SLC9C1: variants seen among roughly 807,000 people sequenced by gnomAD.
The protein encoded by SLC9C1 is solute carrier family 9 member C1.
A neutral mutation model predicts 140.9 loss-of-function variants in SLC9C1; 97 were observed. The observed-to-expected ratio is 0.69, with a 90% CI of 0.58 to 0.82. The LOEUF (loss-of-function observed/expected upper bound fraction) is 0.82. Among genes scored for constraint, SLC9C1 ranks in the 40% least tolerant of loss-of-function variants. The pLI, the probability that SLC9C1 is intolerant of heterozygous loss-of-function variation, is 0.00. For missense variants in SLC9C1, 1,340 were observed against 1,389.3 expected, an observed-to-expected ratio of 0.96 and a Z score of 0.56; for synonymous variants, 440 against 442.6, an observed-to-expected ratio of 0.99 and a Z score of 0.07.
intron 11 of SLC9C1, 28 bp downstream of exon 11, chr3:112,243,967 C>T (rs575004213): frequency 1.4e-5 from 20 of 1,448,424 alleles, no homozygotes; most frequent in South Asian, 3.9e-5. Context: ...TTTTTCTCTC[C>T]ACAGGAATAG....
rs906440677 is a variant in SLC9C1, at chr3:112,266,250, G to A, written c.866C>T (p.Thr289Ile). ...STSFKAAIEE[T>I]LLLEFWTFLS... ...GCTATCCACTTACTCAAGAAGAAGT[G>A]TTTCTTCAATTGCTGCTTTAAAACT... Residue 289 changes from threonine to isoleucine, a missense_variant, in exon 8 of 29, where the codon ACA (threonine) becomes ATA (isoleucine). Thr to Ile is a moderately conservative substitution (Grantham distance 89). Transcript: ENST00000305815. 2.5e-6 allele frequency: 4 copies of A among 1,606,716 alleles called. No homozygotes were observed. Among genetic ancestry groups the A allele is most frequent in the Non-Finnish European group, 1.7e-6 (2 of 1,175,312 alleles).
chr3:112,213,441 TG>T (rs1342538007), intron 15 of SLC9C1, among the ~76,000 whole-genome samples: 37 of 152,074 alleles, frequency 2.4e-4, no homozygotes, highest in African/African-American at 8.7e-4. Context: ...GACCCATCAG[TG>T]TTCTGTATTC....
intron 26 of SLC9C1, among the ~76,000 whole-genome samples, chr3:112,160,137 T>G (rs2075249793): frequency 6.6e-6 from 1 of 151,512 alleles, no homozygotes; most frequent in Non-Finnish European, 1.5e-5. Context: ...GTAACTATTC[T>G]CTTTCTTTCT....
intron 20 of SLC9C1, among the ~76,000 whole-genome samples, chr3:112,190,110 T>C (rs905032037): frequency 6.6e-6 from 1 of 152,218 alleles, no homozygotes; most frequent in Non-Finnish European, 1.5e-5. Context: ...CTGAAGCTGC[T>C]TATCAGCTTA....
intron 23 of SLC9C1, among the ~76,000 whole-genome samples, chr3:112,177,831 T>G (rs2077368809): frequency 6.6e-6 from 1 of 150,546 alleles, no homozygotes; most frequent in Non-Finnish European, 1.5e-5. Flanking sequence ...TACTAGTAAC[T>G]TCATTATAGC....
At chr3:112,274,740 T>C (rs1486045940) in intron 6 of SLC9C1, among the ~76,000 whole-genome samples, 157 bp downstream of exon 6, 2 of 152,190 alleles carry the variant, frequency 1.3e-5, no homozygotes, top group East Asian at 3.8e-4. Context: ...CATTAAGTAA[T>C]GTGTAATAGT....
chr3:112,204,503 C>G (rs2077991849), intron 16 of SLC9C1, 100 bp from the exon 17 acceptor site: 4 of 1,253,134 alleles, frequency 3.2e-6, no homozygotes, highest in African/African-American at 3.2e-5. Flanking sequence ...TTTCTCTTAT[C>G]TACTCCACAT....
chr3:112,148,595 G>C (rs540465154), intron 28 of SLC9C1, among the ~76,000 whole-genome samples: 1 of 152,296 alleles, frequency 6.6e-6, no homozygotes, highest in Non-Finnish European at 1.5e-5. Context: ...GGGCTGTGCA[G>C]TTCATCGTAC....
chr3:112,214,210 T>C (rs1463092510), intron 15 of SLC9C1, among the ~76,000 whole-genome samples: 1 of 152,172 alleles, frequency 6.6e-6, no homozygotes, highest in East Asian at 1.9e-4. Flanking sequence ...TTTAAAGCAG[T>C]GTGTAGAGGG....
intron 16 of SLC9C1, among the ~76,000 whole-genome samples, chr3:112,207,702 T>A (rs1167348843): frequency 6.6e-6 from 1 of 152,164 alleles, no homozygotes; most frequent in Non-Finnish European, 1.5e-5. Flanking sequence ...TCCTAGACAT[T>A]ATTAAAAATT....
intron 8 of SLC9C1, 99 bp downstream of exon 8, chr3:112,266,139 G>T: frequency 1.1e-6 from 1 of 923,920 alleles, no homozygotes; most frequent in Non-Finnish European, 1.6e-6. Flanking sequence ...TCAAGTCTTT[G>T]AAAATCTTAC....
At chr3:112,178,491 C>A (rs999504970) in intron 23 of SLC9C1, among the ~76,000 whole-genome samples, 2 of 152,154 alleles carry the variant, frequency 1.3e-5, no homozygotes, top group African/African-American at 4.8e-5. Flanking sequence ...ACAGACTCTT[C>A]CACATTCTAA....
chr3:112,151,498 T>G (rs767112303), intron 28 of SLC9C1: 4 of 520,362 alleles, frequency 7.7e-6, no homozygotes, highest in South Asian at 1.4e-5. Flanking sequence ...AACTAGAACA[T>G]AAACACTTGA....
chr3:112,168,364 CACA>C (rs57708292), intron 25 of SLC9C1, among the ~76,000 whole-genome samples: 20,803 of 97,484 alleles, frequency 0.21, 1,696 homozygotes, highest in Middle Eastern at 0.34. Flanking sequence ...CACACACACA[CACA>C]ACTTCTTTCC....
intron 10 of SLC9C1, among the ~76,000 whole-genome samples, chr3:112,248,326 C>T (rs2079351476): frequency 6.6e-6 from 1 of 152,134 alleles, no homozygotes; most frequent in Non-Finnish European, 1.5e-5. Context: ...GAGAAACAAT[C>T]AGAGGCACTC....
Position 112,286,679 on chromosome 3 carries a change from CAGATAAAG to C in SLC9C1, c.88+17_88+24del, listed in dbSNP as rs2080517432. On this transcript the variant is annotated intron_variant, in intron 2 of 28. Transcript: ENST00000305815. ...ATAAGATGTACCGGAAGAATAAACT[CAGATAAAG>C]AGAGAGTGATACTTACCTCCAATGG... 6.4e-7 allele frequency: 1 copy of C among 1,563,180 alleles called. No individual in the cohort carries two copies. Among genetic ancestry groups the C allele is most frequent in the African/African-American group, 1.4e-5 (1 of 72,638 alleles).
intron 13 of SLC9C1, among the ~76,000 whole-genome samples, chr3:112,226,570 A>C (rs778509982): frequency 1.1e-4 from 16 of 151,772 alleles, no homozygotes; most frequent in Non-Finnish European, 2.4e-4. Flanking sequence ...AAAATTACAA[A>C]AATTAGCCAG....
Position 112,199,376 on chromosome 3 carries a change from T to C in SLC9C1, c.2468A>G (p.Lys823Arg), listed in dbSNP as rs753417453. 14 of 1,598,914 alleles carry C rather than the reference T, an allele frequency of 8.8e-6. No homozygotes were observed. In the South Asian group the frequency reaches 1.6e-4, roughly 19 times the overall value. The part of the protein sequence containing the change: ...VMLNMATEIL[K>R]AFGLKGIISK... ...AATAATTCCTTTTAAGCCAAAAGCC[T>C]TAAGAATTTCTGTAGCCATATTGAG... Residue 823 changes from lysine (K) to arginine (R), a missense_variant, in exon 20 of 29, where the codon AAG becomes AGG. By Grantham distance (26) the Lys-to-Arg change is conservative (BLOSUM62 2). Transcript: ENST00000305815.
intron 20 of SLC9C1, among the ~76,000 whole-genome samples, chr3:112,184,814 G>A (rs1317944298): frequency 1.3e-5 from 2 of 152,184 alleles, no homozygotes; most frequent in Admixed American, 6.5e-5. Flanking sequence ...GGGTCTGGGA[G>A]CCCACAGGGC....
Sources: gnomAD v4.1 joint callset for allele counts (sites outside exome capture counted in the v4.1 genomes callset) on GRCh38, gnomAD v4.1.1 for gene constraint, MANE v1.5 for transcripts, NCBI Gene and HGNC (gene_info 2026-07-23, HGNC 2026-07-21) for gene names.